Variants in LCP1 observed in about 807,000 individuals in gnomAD.
LCP1 encodes plastin-2.
Under a neutral mutation model 72.0 loss-of-function variants are expected in LCP1, and 23 were observed. The ratio of observed to expected loss-of-function variants is 0.32; its 90% CI spans 0.23 to 0.45. The LOEUF (loss-of-function observed/expected upper bound fraction) is 0.45. Ranked by LOEUF, LCP1 falls within the 20% of genes least tolerant of loss-of-function variation. The pLI is 1.00. For missense variants in LCP1, 571 were observed against 748.3 expected (o/e 0.76, Z 2.76); for synonymous variants, 245 against 275.4 (o/e 0.89, Z 1.09).
intron 1 of LCP1, among the ~76,000 whole-genome samples, chr13:46,173,964 T>C (rs979727210): frequency 1.3e-5 from 2 of 152,242 alleles, no homozygotes; most frequent in African/African-American, 4.8e-5. Context: ...TGAGGACCAC[T>C]GGGCAACATC....
chr13:46,157,591 T>G (rs1467567153), intron 4 of LCP1, among the ~76,000 whole-genome samples: 1 of 152,084 alleles, frequency 6.6e-6, no homozygotes, highest in East Asian at 1.9e-4. Flanking sequence ...GTCATAAAAG[T>G]TTGGGAAATA....
intron 13 of LCP1, among the ~76,000 whole-genome samples, chr13:46,138,608 A>AGAGGAAAAT (rs2138227450): frequency 6.6e-6 from 1 of 152,254 alleles, no homozygotes; most frequent in South Asian, 2.1e-4. Context: ...TTTTTCAGAT[A>AGAGGAAAAT]TTATGAAATT....
At position 46,134,178 on chromosome 13, in the gene LCP1, C is replaced by T. The variant is rs111548644; in HGVS notation, c.1575G>A (p.Val525=). 1.4e-5 allele frequency: 23 copies of T among 1,613,270 alleles called. No homozygotes were observed. The highest frequency in any genetic ancestry group is 2.0e-5 in the Non-Finnish European group (23 of 1,179,418). The change falls in exon 14 of 16, where the codon GTG becomes GTA. Residue 525 remains valine, a synonymous_variant. Transcript: ENST00000323076. The part of the protein sequence containing the change: ...KVNDDIIVNW[V]NETLREAKKS... ...TCTTTGCTTCCCTCAATGTTTCATT[C>T]ACCCAGTTGACAATAATGTCATCAT...
At position 46,130,750 on chromosome 13, in the gene LCP1, A is replaced by G. The variant is rs569478069; in HGVS notation, c.1751+64T>C. 100 of 1,592,574 alleles carry G rather than the reference A, an allele frequency of 6.3e-5. 2 individuals carry two copies. The highest frequency in any genetic ancestry group is 3.4e-5 in the Admixed American group (2 of 58,656). Reference sequence around the variant, plus strand: ...TATAAAGGCATGAGCATTAGACTTTACAACCATCCAGCTGCCAGTTGGGTC... The same window carrying G: ...TATAAAGGCATGAGCATTAGACTTTGCAACCATCCAGCTGCCAGTTGGGTC... On this transcript the variant is annotated intron_variant, in intron 15 of 15. Coordinates refer to ENST00000323076, the MANE Select transcript of LCP1 (RefSeq NM_002298.5).
chr13:46,144,391 CT>C, intron 11 of LCP1, 50 bp downstream of exon 11: 4 of 1,339,478 alleles, frequency 3.0e-6, no homozygotes, highest in Non-Finnish European at 4.3e-6. Flanking sequence ...AATCCTATGG[CT>C]CTTTTGAGGT....
chr13:46,156,132 A>C (rs552934272), intron 5 of LCP1, among the ~76,000 whole-genome samples: 1 of 152,238 alleles, frequency 6.6e-6, no homozygotes, highest in African/African-American at 2.4e-5. Flanking sequence ...AGTTTCCCCC[A>C]CTTAATTATC....
Position 46,142,352 on chromosome 13 carries a change from T to C in LCP1, c.1442A>G (p.Gln481Arg). 6.2e-7 allele frequency: 1 copy of C among 1,614,084 alleles called. No homozygotes were observed. The highest frequency in any genetic ancestry group is 2.2e-5 in the East Asian group (1 of 44,860). The change falls in exon 13 of 16, where the codon CAA (glutamine) becomes CGA (arginine). Residue 481 changes from glutamine (Q) to arginine (R), a missense_variant. Gln to Arg is a conservative substitution (Grantham distance 43, BLOSUM62 1). Transcript: ENST00000323076. ...AKFSLVGIGG[Q>R]DLNEGNRTLT... ...AGTGCGGTTTCCTTCATTGAGATCT[T>C]GTCCACCGATGCCAACCAGGGAGAA...
chr13:46,139,606 T>C (rs971744587), intron 13 of LCP1, among the ~76,000 whole-genome samples: 4 of 152,214 alleles, frequency 2.6e-5, no homozygotes, highest in African/African-American at 9.6e-5. Context: ...GGATGTAAGA[T>C]TCTTGCCTTG....
intron 1 of LCP1, among the ~76,000 whole-genome samples, chr13:46,167,885 T>C (rs116008982): frequency 0.012 from 1,779 of 152,094 alleles, 45 homozygotes; most frequent in African/African-American, 0.04. Context: ...TAATTTACTG[T>C]GAAATAGTTA....
At chr13:46,147,379 A>G (rs1446988391) in intron 9 of LCP1, among the ~76,000 whole-genome samples, 2 of 152,262 alleles carry the variant, frequency 1.3e-5, no homozygotes, top group Admixed American at 1.3e-4. Flanking sequence ...AAAGAGATGC[A>G]GTAGATTCTG....
chr13:46,139,967 C>A (rs1344971480), intron 13 of LCP1, among the ~76,000 whole-genome samples: 1 of 152,058 alleles, frequency 6.6e-6, no homozygotes, highest in Non-Finnish European at 1.5e-5. Context: ...AGACATCAGA[C>A]AATAGGAAGC....
Position 46,146,892 on chromosome 13 carries a change from A to C in LCP1, c.1174+16T>G, listed in dbSNP as rs370881881. Reference sequence around the variant, plus strand: ...TGAGTGCCTTTCCCCATCTTAGGCAAATCGTTTACAGTTACCTTCAAGAGC... The same window carrying C: ...TGAGTGCCTTTCCCCATCTTAGGCACATCGTTTACAGTTACCTTCAAGAGC... On this transcript the variant is annotated intron_variant, in intron 10 of 15. Transcript: ENST00000323076. 39 of 1,613,822 alleles carry C rather than the reference A, an allele frequency of 2.4e-5. No individual in the cohort carries two copies. The African/African-American group carries it at 4.3e-4, about 18-fold the overall frequency.
chr13:46,160,536 G>T (rs572692271), intron 1 of LCP1, among the ~76,000 whole-genome samples: 1 of 152,262 alleles, frequency 6.6e-6, no homozygotes, highest in South Asian at 2.1e-4. Context: ...ATGAACAAAG[G>T]GAAGCTGACC....
At chr13:46,143,466 G>A in intron 11 of LCP1, 62 bp from the exon 12 acceptor site, 1 of 1,068,524 alleles carries the variant, frequency 9.4e-7, no homozygotes, top group Non-Finnish European at 1.5e-6. Flanking sequence ...GCCTACAATG[G>A]GCCAGACACT....
intron 1 of LCP1, among the ~76,000 whole-genome samples, chr13:46,163,310 G>A (rs1338381362): frequency 6.6e-6 from 1 of 152,214 alleles, no homozygotes; most frequent in Non-Finnish European, 1.5e-5. Context: ...CTTCTGCCTT[G>A]GGATGCTGTT....
At chr13:46,153,701 CAA>C (rs1237525744) in intron 6 of LCP1, among the ~76,000 whole-genome samples, 30 of 74,792 alleles carry the variant, frequency 4.0e-4, no homozygotes, top group East Asian at 2.0e-3. Flanking sequence ...AACTCCATCT[CAA>C]AAAAAAAAAA....
At chr13:46,157,367 C>T (rs2045809399) in intron 4 of LCP1, among the ~76,000 whole-genome samples, 1 of 152,094 alleles carries the variant, frequency 6.6e-6, no homozygotes, top group South Asian at 2.1e-4. Flanking sequence ...GTGGACAATC[C>T]TTATTGTACC....
At chr13:46,175,536 A>G (rs961589986) in intron 1 of LCP1, among the ~76,000 whole-genome samples, 3 of 152,108 alleles carry the variant, frequency 2.0e-5, no homozygotes, top group Non-Finnish European at 4.4e-5. Context: ...GAGATATGGT[A>G]CTGGAGGAAG....
intron 8 of LCP1, chr13:46,148,947 G>T: frequency 5.6e-6 from 1 of 177,442 alleles, no homozygotes; most frequent in Non-Finnish European, 1.1e-5. Flanking sequence ...CAATCTTTAC[G>T]TAAAAGGAGA....
Sources: gnomAD v4.1 joint callset for allele counts (sites outside exome capture counted in the v4.1 genomes callset) on GRCh38, gnomAD v4.1.1 for gene constraint, MANE v1.5 for transcripts, NCBI Gene and HGNC (gene_info 2026-07-23, HGNC 2026-07-21) for gene names.